TRAPPC13: variants seen among roughly 807,000 people sequenced by gnomAD.
TRAPPC13 encodes the protein REV7-interacting novel NHEJ regulator 1.
TRAPPC13 carries 39 observed loss-of-function variants against 54.0 expected under a neutral mutation model. The ratio of observed to expected loss-of-function variants is 0.72; its 90% CI spans 0.56 to 0.94. The LOEUF is 0.94. Among genes scored for constraint, TRAPPC13 ranks in the 40% least tolerant of loss-of-function variants. TRAPPC13 has a pLI of 0.00. For synonymous variants in TRAPPC13, 148 were observed against 167.7 expected (o/e 0.88, Z 0.91); for missense variants, 386 against 488.1 (o/e 0.79, Z 1.97).
chr5:65,651,659 G>A (rs1266342999), intron 6 of TRAPPC13, among the ~76,000 whole-genome samples: 2 of 149,994 alleles, frequency 1.3e-5, no homozygotes, highest in Non-Finnish European at 3.0e-5. Flanking sequence ...GGGGGGTGGT[G>A]AGGAAATGTG....
rs1756242962 is a variant in TRAPPC13 at position 65,647,078 on chromosome 5, G to A, written c.324G>A (p.Gln108=). The change falls in exon 5 of 13, where the codon CAG becomes CAA. Residue 108 remains glutamine, a synonymous_variant. Coordinates refer to ENST00000399438, the MANE Select transcript of TRAPPC13 (RefSeq NM_024941.4). ...AGGCTGATCTTCAGACAAGTTCTCA[G>A]CGTTTAAATCTTTCAGCCTCCAATG... ...LVKADLQTSS[Q]RLNLSASNAA... is the part of the protein sequence containing the mutation. The A allele has an allele frequency of 6.5e-6, 10 of 1,545,884 alleles. No individual in the cohort carries two copies. The highest frequency in any genetic ancestry group is 2.4e-5 in the East Asian group (1 of 41,284).
At chr5:65,631,914 G>GA (rs35020028) in intron 1 of TRAPPC13, among the ~76,000 whole-genome samples, 79,765 of 143,784 alleles carry the variant, frequency 0.55, 21,686 homozygotes, top group South Asian at 0.62. Context: ...AGGACACTAA[G>GA]AAAAAAAAAA....
intron 7 of TRAPPC13, among the ~76,000 whole-genome samples, chr5:65,654,816 G>A (rs1045083207): frequency 1.1e-4 from 17 of 152,178 alleles, no homozygotes; most frequent in African/African-American, 3.6e-4. Flanking sequence ...GAGACTAGAA[G>A]CTAGGTTTCA....
rs886578913 is a variant in TRAPPC13 at position 65,664,941 on chromosome 5, G to A, written c.*330G>A. On this transcript the variant is annotated 3_prime_UTR_variant, in exon 13 of 13. Transcript: ENST00000399438. ...GAACACGAGTCAGCACACTTTTTAT[G>A]TAAGGTACAAGATACTAAATATTTT... 1 of 313,118 alleles carries A rather than the reference G, an allele frequency of 3.2e-6. No individual in the cohort carries two copies. The highest frequency in any genetic ancestry group is 9.9e-5 in the East Asian group (1 of 10,152). The allele number at this position is 313,118 out of a possible 1,614,324, so 19.4% of individuals were successfully genotyped here. A position where few individuals can be genotyped will look rare whatever the true frequency, so the allele number is the denominator to read the frequency against.
chr5:65,661,136 A>T (rs944525134), intron 10 of TRAPPC13: 2 of 322,166 alleles, frequency 6.2e-6, no homozygotes, highest in African/African-American at 6.0e-5. Context: ...ATCACACAGA[A>T]ATTAAAATAA....
intron 4 of TRAPPC13, 67 bp downstream of exon 4, chr5:65,637,847 G>GA: frequency 2.3e-6 from 2 of 856,264 alleles, no homozygotes; most frequent in Non-Finnish European, 3.6e-6. Context: ...GGCCGGGCAT[G>GA]GTGGCTCATG....
At chr5:65,652,851 GAATATTTACA>G (rs1199997642) in intron 7 of TRAPPC13, 1 of 362,586 alleles carries the variant, frequency 2.8e-6, no homozygotes, top group Non-Finnish European at 5.1e-6. Flanking sequence ...GCAATCTGTT[GAATATTTACA>G]TGTGGTTCGG....
In TRAPPC13 at chr5:65,635,123, A is replaced by T. The variant is rs115898854; in HGVS notation, c.47-178A>T. 1.5e-3 allele frequency among the ~76,000 whole-genome samples: 234 copies of T among 152,326 alleles called. 3 individuals carry two copies. Among genetic ancestry groups the T allele is most frequent in the African/African-American group, 5.2e-3 (218 of 41,584 alleles). ...ATGGTGCTTATTTTGTAACATTACA[A>T]TTCTTAATAAATCACTGATGTGTGA... On this transcript the variant is annotated intron_variant, in intron 1 of 12. Transcript: ENST00000399438.
chr5:65,658,304 T>C (rs372504723), intron 8 of TRAPPC13, 64 bp from the exon 9 acceptor site: 3 of 1,463,876 alleles, frequency 2.0e-6, no homozygotes, highest in East Asian at 5.1e-5. Flanking sequence ...GATAAGATAT[T>C]TTTGTTGAGA....
At chr5:65,626,838 A>G (rs1755257429) in intron 1 of TRAPPC13, among the ~76,000 whole-genome samples, 1 of 151,408 alleles carries the variant, frequency 6.6e-6, no homozygotes, top group East Asian at 1.9e-4. Context: ...AAGGATACCT[A>G]AGAAAGAATA....
At chr5:65,647,011 C>G in intron 4 of TRAPPC13, 44 bp from the exon 5 acceptor site, 1 of 1,506,520 alleles carries the variant, frequency 6.6e-7, no homozygotes, top group Non-Finnish European at 8.9e-7. Flanking sequence ...TGTAGGTAAC[C>G]AGTCTCATTT....
chr5:65,663,018 G>A (rs1423362376), intron 11 of TRAPPC13: 1 of 152,072 alleles, frequency 6.6e-6, no homozygotes, highest in Non-Finnish European at 1.5e-5. Context: ...TCACTGGACT[G>A]GAATTATTCA....
At chr5:65,655,686 T>G in intron 8 of TRAPPC13, 33 bp downstream of exon 8, 1 of 793,806 alleles carries the variant, frequency 1.3e-6, no homozygotes, top group Non-Finnish European at 1.8e-6. Flanking sequence ...ATTTTTATAC[T>G]TTTCTTACTC....
chr5:65,641,685 T>C (rs1375204237), intron 4 of TRAPPC13, among the ~76,000 whole-genome samples: 1 of 148,318 alleles, frequency 6.7e-6, no homozygotes, highest in Non-Finnish European at 1.5e-5. Flanking sequence ...CATCCTAGCC[T>C]GGATGACAGG....
chr5:65,630,197 A>G lies in TRAPPC13; in HGVS notation c.46+5091A>G, dbSNP rs1168759867. The G allele has an allele frequency of 9.8e-6, 15 of 1,536,004 alleles. No homozygotes were observed. The East Asian group carries it at 2.9e-4, about 30-fold the overall frequency. ...TGAACTTCCATCTTGTAATGCTACA[A>G]TTCAGAGGCATTTAGGCCAAATATG... On this transcript the variant is annotated intron_variant, in intron 1 of 12. Coordinates refer to ENST00000399438, the MANE Select transcript of TRAPPC13 (RefSeq NM_024941.4).
At chr5:65,632,172 G>A (rs1755574636) in intron 1 of TRAPPC13, among the ~76,000 whole-genome samples, 1 of 152,126 alleles carries the variant, frequency 6.6e-6, no homozygotes, top group Admixed American at 6.6e-5. Context: ...TCTGAGGCAG[G>A]AGGTTCACTT....
At chr5:65,635,053 T>A in intron 1 of TRAPPC13, 1 of 545,892 alleles carries the variant, frequency 1.8e-6, no homozygotes, top group Non-Finnish European at 2.3e-6. Context: ...AATGAATGCA[T>A]ATTGTATTTA....
At position 65,647,146 on chromosome 5, in the gene TRAPPC13, T is replaced by C. The variant is rs1201259034; in HGVS notation, c.392T>C (p.Val131Ala). 5.1e-6 allele frequency: 8 copies of C among 1,582,326 alleles called. No homozygotes were observed. The African/African-American group carries it at 8.1e-5, about 16-fold the overall frequency. ...AAACCGGATTGTTGTATTGATGATG[T>C]CATACATCATGAAGTCAAAGAAATT... Reference protein sequence around the residue: ...ELKPDCCIDDVIHHEVKEIGT... With the variant: ...ELKPDCCIDDAIHHEVKEIGT... Residue 131 changes from valine to alanine, a missense_variant, in exon 5 of 13, where the codon GTC (valine) becomes GCC (alanine). Coordinates refer to ENST00000399438, the MANE Select transcript of TRAPPC13 (RefSeq NM_024941.4).
chr5:65,645,725 A>G (rs1347548588), intron 4 of TRAPPC13, among the ~76,000 whole-genome samples: 2 of 152,158 alleles, frequency 1.3e-5, no homozygotes, highest in Non-Finnish European at 2.9e-5. Flanking sequence ...AATGGCGTGA[A>G]CCTGGGAGAT....
Sources: gnomAD v4.1 joint callset for allele counts (sites outside exome capture counted in the v4.1 genomes callset) on GRCh38, gnomAD v4.1.1 for gene constraint, MANE v1.5 for transcripts, NCBI Gene and HGNC (gene_info 2026-07-23, HGNC 2026-07-21) for gene names.